NAIP: variants seen among roughly 807,000 people sequenced by gnomAD.
The protein encoded by NAIP is baculoviral IAP repeat-containing protein 1.
In NAIP, 15 loss-of-function variants were observed where a neutral mutation model predicts 23.0. The observed-to-expected ratio is 0.65, with a 90% CI of 0.44 to 1.00. The LOEUF (loss-of-function observed/expected upper bound fraction) is 1.00, where lower values mean the gene tolerates loss of function less well. Ranked by LOEUF, NAIP falls within the 50% of genes least tolerant of loss-of-function variation. The pLI, the probability that NAIP is intolerant of heterozygous loss-of-function variation, is 0.00. For missense variants in NAIP, 265 were observed against 278.8 expected, an observed-to-expected ratio of 0.95 and a Z score of 0.35; for synonymous variants, 100 against 100.2, an observed-to-expected ratio of 1.00 and a Z score of 0.01.
At chr5:70,978,100 T>A (rs1337050738) in intron 13 of NAIP, among the ~76,000 whole-genome samples, 12 of 74,784 alleles carry the variant, frequency 1.6e-4, no homozygotes, top group African/African-American at 4.2e-4. Context: ...CTTCGGTGTA[T>A]ATATGTATGC....
chr5:71,013,714 G>A lies in NAIP; in HGVS notation c.-3-796C>T, dbSNP rs966522232. 4.0e-5 allele frequency among the ~76,000 whole-genome samples: 6 copies of A among 150,448 alleles called. No individual in the cohort carries two copies. In the East Asian group the frequency reaches 1.2e-3, roughly 29 times the overall value. On this transcript the variant is annotated intron_variant, in intron 3 of 16. Transcript: ENST00000517649. ...TTCAAAGGACATATACCTGCCAGAA[G>A]CCTCGGGTAACTTTCTAGTGTCAAA...
At chr5:71,016,167 G>A (rs1751437370) in intron 3 of NAIP, among the ~76,000 whole-genome samples, 1 of 150,572 alleles carries the variant, frequency 6.6e-6, no homozygotes, top group East Asian at 2.0e-4. Flanking sequence ...GGTGGCATGT[G>A]CCTGTAGTCC....
At chr5:70,977,713 C>A (rs1221980096) in intron 13 of NAIP, among the ~76,000 whole-genome samples, 3 of 138,318 alleles carry the variant, frequency 2.2e-5, no homozygotes, top group Non-Finnish European at 4.7e-5. Flanking sequence ...AAAGAAACAG[C>A]TGGGCATAGT....
Position 71,017,867 on chromosome 5 carries a change from A to G in NAIP, c.-4+2792T>C, listed in dbSNP as rs547402127. The stretch of plus-strand genomic sequence containing the variant: ...TTTCCTTTTTTTTTTTTTTTTTTTT[A>G]TAGGAGACAAGGGCTCACTCTGTTG... On this transcript the variant is annotated intron_variant, in intron 3 of 16. Transcript: ENST00000517649. 3.0e-4 allele frequency among the ~76,000 whole-genome samples: 21 copies of G among 70,512 alleles called. 2 individuals carry two copies. The East Asian group carries it at 7.0e-3, about 24-fold the overall frequency. 46.3% of individuals were successfully genotyped at this position (70,512 alleles called of 152,430 possible). A position where few individuals can be genotyped will look rare whatever the true frequency, so the allele number is the denominator to read the frequency against.
chr5:71,016,106 C>T (rs1751432452), intron 3 of NAIP, among the ~76,000 whole-genome samples: 1 of 150,140 alleles, frequency 6.7e-6, no homozygotes, highest in Non-Finnish European at 1.5e-5. Flanking sequence ...TAGCTAGACC[C>T]TGTCTCTAAA....
At chr5:71,011,097 G>A (rs939117407) in intron 5 of NAIP, among the ~76,000 whole-genome samples, 178 bp downstream of exon 5, 1 of 150,984 alleles carries the variant, frequency 6.6e-6, no homozygotes, top group Non-Finnish European at 1.5e-5. Context: ...GCCCATCTTG[G>A]TGGTGCACAC....
intron 6 of NAIP, among the ~76,000 whole-genome samples, chr5:71,002,544 G>T (rs1392563378): frequency 6.7e-6 from 1 of 149,720 alleles, no homozygotes; most frequent in Non-Finnish European, 1.5e-5. Flanking sequence ...GAGTAGCTGG[G>T]ACCACAGGCG....
At position 71,013,080 on chromosome 5, in the gene NAIP, TAATC is replaced by T. The variant is rs1751246614; in HGVS notation, c.-3-166_-3-163del. Reference sequence around the variant, plus strand: ...TATGAAACATCAGTATTCATCTACTTAATCAACAAATATTTACTAAGCACCTACT... The same window carrying T: ...TATGAAACATCAGTATTCATCTACTTAACAAATATTTACTAAGCACCTACT... On this transcript the variant is annotated intron_variant, in intron 3 of 16. Transcript: ENST00000517649. Among the ~76,000 whole-genome samples the T allele has an allele frequency of 3.3e-5, 5 of 151,576 alleles. No individual in the cohort carries two copies. In the South Asian group the frequency reaches 1.0e-3, roughly 32 times the overall value.
At chr5:70,978,241 T>C (rs1466479657) in intron 13 of NAIP, among the ~76,000 whole-genome samples, 3 of 148,972 alleles carry the variant, frequency 2.0e-5, no homozygotes, top group Non-Finnish European at 4.4e-5. Context: ...AAGCTTGAAC[T>C]TCTGGACTCA....
At chr5:71,013,535 G>A (rs370103629) in intron 3 of NAIP, among the ~76,000 whole-genome samples, 1 of 150,722 alleles carries the variant, frequency 6.6e-6, no homozygotes, top group Non-Finnish European at 1.5e-5. Context: ...AGCTACTCGG[G>A]AGGCTGAGGC....
chr5:71,011,362 G>C lies in NAIP; in HGVS notation c.581C>G (p.Thr194Arg). Residue 194 changes from threonine to arginine, a missense_variant, in exon 5 of 17, where the codon ACG becomes AGG. Coordinates refer to ENST00000517649, the MANE Select transcript of NAIP (RefSeq NM_004536.3). ...TCCACCACAGGAAAAACACTGTACC[G>C]TGTCCTGTTTACCTATATATGAAGG... is the stretch of plus-strand genomic sequence containing the variant. ...AGFVFTGKQD[T>R]VQCFSCGGCL... The C allele has an allele frequency of 6.2e-7, 1 of 1,601,412 alleles. No individual in the cohort carries two copies. Among genetic ancestry groups the C allele is most frequent in the Non-Finnish European group, 8.5e-7 (1 of 1,172,780 alleles).
intron 4 of NAIP, among the ~76,000 whole-genome samples, chr5:71,011,959 A>G (rs1751179643): frequency 1.3e-5 from 2 of 151,522 alleles, no homozygotes; most frequent in Non-Finnish European, 2.9e-5. Context: ...AAACCCTCCA[A>G]TACTGCAGCA....
intron 3 of NAIP, 138 bp from the exon 4 acceptor site, chr5:71,013,056 A>G: frequency 1.2e-6 from 1 of 828,246 alleles, no homozygotes; most frequent in Non-Finnish European, 1.8e-6. Flanking sequence ...TTGGAAAATT[A>G]TGAAACATCA....
At chr5:71,010,518 C>T (rs1751100325) in intron 5 of NAIP, among the ~76,000 whole-genome samples, 1 of 151,544 alleles carries the variant, frequency 6.6e-6, no homozygotes, top group Non-Finnish European at 1.5e-5. Flanking sequence ...CCACCGGCCT[C>T]AGCCTCCCAA....
At chr5:71,013,817 C>T (rs1272014886) in intron 3 of NAIP, among the ~76,000 whole-genome samples, 1 of 151,258 alleles carries the variant, frequency 6.6e-6, no homozygotes, top group African/African-American at 2.4e-5. Flanking sequence ...GCTGACATTG[C>T]TAACATCATT....
rs749823035 is a variant in NAIP at position 71,011,282 on chromosome 5, AC to A, written c.660del (p.Trp220CysfsTer30). ...CAAAAATTATCTACTTACTTGGGGAACCATTTGGCATGTTCCTTCCAAGGAT... is the reference window on the plus strand; with the variant it reads ...CAAAAATTATCTACTTACTTGGGGAACATTTGGCATGTTCCTTCCAAGGAT... ...GDDPWKEHAK[W>X]FPKCEFLRSK... is the part of the protein sequence containing the mutation. On this transcript the variant is annotated frameshift_variant, in exon 5 of 17. Transcript: ENST00000517649. LOFTEE classifies it high-confidence loss of function. The A allele has an allele frequency of 2.1e-5, 34 of 1,583,030 alleles. No homozygotes were observed. In the African/African-American group the frequency reaches 4.4e-4, roughly 20 times the overall value.
chr5:71,010,100 T>G (rs1751076760), intron 5 of NAIP, among the ~76,000 whole-genome samples: 1 of 151,408 alleles, frequency 6.6e-6, no homozygotes, highest in South Asian at 2.1e-4. Flanking sequence ...CTATGGAAAT[T>G]ATTATTACTT....
chr5:71,011,490 A>C (rs187558731), intron 4 of NAIP, 116 bp from the exon 5 acceptor site: 70 of 842,790 alleles, frequency 8.3e-5, no homozygotes, highest in Admixed American at 2.1e-4. Flanking sequence ...TGCACTCCCG[A>C]TCTCATTGGC....
In NAIP at chr5:70,972,932, G is replaced by A. The variant is rs564677430; in HGVS notation, c.3847+1197C>T. On this transcript the variant is annotated intron_variant, in intron 16 of 16. Coordinates refer to ENST00000517649, the MANE Select transcript of NAIP (RefSeq NM_004536.3). ...TTTTTTTTTTTTGAGACGGAGTCTC[G>A]TTCTGTTGCCCAGGCTGGAGTGCAG... 4.5e-4 allele frequency among the ~76,000 whole-genome samples: 24 copies of A among 53,886 alleles called. 1 individual carries two copies. In the South Asian group the frequency reaches 8.8e-3, roughly 20 times the overall value. 35.4% of individuals were successfully genotyped at this position (53,886 alleles called of 152,430 possible).
Sources: allele counts gnomAD v4.1 joint callset (sites outside exome capture counted in the v4.1 genomes callset), GRCh38; gene constraint gnomAD v4.1.1; transcripts MANE v1.5; gene names NCBI Gene and HGNC (gene_info 2026-07-23, HGNC 2026-07-21).